TMEM184C: variants seen among roughly 807,000 people sequenced by gnomAD.
TMEM184C encodes the protein transmembrane protein 34.
In TMEM184C, 25 loss-of-function variants were observed where a neutral mutation model predicts 54.5. The observed-to-expected ratio is 0.46, with a 90% CI of 0.33 to 0.64. The LOEUF is 0.64. Among genes scored for constraint, TMEM184C ranks in the 30% least tolerant of loss-of-function variants. TMEM184C has a pLI of 0.02. For missense variants in TMEM184C, 335 were observed against 520.3 expected (o/e 0.64, Z 3.46); for synonymous variants, 148 against 181.5 (o/e 0.82, Z 1.49).
chr4:147,628,562 A>C, intron 5 of TMEM184C, 127 bp downstream of exon 5: 1 of 745,838 alleles, frequency 1.3e-6, no homozygotes, highest in Non-Finnish European at 2.2e-6. Flanking sequence ...GTAAAAAAAA[A>C]CACTGTATAG....
intron 6 of TMEM184C, among the ~76,000 whole-genome samples, chr4:147,630,069 A>G (rs1013603442): frequency 1.1e-4 from 17 of 151,810 alleles, no homozygotes; most frequent in Admixed American, 9.8e-4. Context: ...AAAATATCAA[A>G]TTGGTATTTG....
At chr4:147,622,232 C>A (rs530409655) in intron 1 of TMEM184C, among the ~76,000 whole-genome samples, 1 of 151,976 alleles carries the variant, frequency 6.6e-6, no homozygotes, top group Non-Finnish European at 1.5e-5. Context: ...CATGAGCCAC[C>A]GCGCCTGGCC....
intron 5 of TMEM184C, among the ~76,000 whole-genome samples, chr4:147,628,733 T>C (rs1017383920): frequency 6.6e-5 from 10 of 152,138 alleles, no homozygotes; most frequent in African/African-American, 1.7e-4. Context: ...AGAAACCCTA[T>C]TGCATGAAGT....
At chr4:147,632,602 A>G (rs1732936886) in intron 7 of TMEM184C, 4 of 289,356 alleles carry the variant, frequency 1.4e-5, no homozygotes, top group Admixed American at 9.3e-5. Context: ...TCTTATGTAT[A>G]CAACTATGAA....
Position 147,634,647 on chromosome 4 carries a change from T to G in TMEM184C, c.*213T>G, listed in dbSNP as rs934535802. ...AGACTTAGACTTGATTTCTTAACAT[T>G]AGGGTATCGCATACTCAAATGGTAG... On this transcript the variant is annotated 3_prime_UTR_variant, in exon 10 of 10. Coordinates refer to ENST00000296582, the MANE Select transcript of TMEM184C (RefSeq NM_018241.3). 7.4e-6 allele frequency: 4 copies of G among 542,610 alleles called. No homozygotes were observed. Among genetic ancestry groups the G allele is most frequent in the Non-Finnish European group, 1.3e-5 (4 of 312,110 alleles). The allele number at this position is 542,610 out of a possible 1,614,324, so 33.6% of individuals were successfully genotyped here. A position where few individuals can be genotyped will look rare whatever the true frequency, so the allele number is the denominator to read the frequency against.
In TMEM184C at chr4:147,632,217, G is replaced by A. The variant is rs189492194; in HGVS notation, c.780-686G>A. On this transcript the variant is annotated intron_variant, in intron 7 of 9. Transcript: ENST00000296582. Reference sequence around the variant, plus strand: ...ATTTAGTAAAGAGGTGGGTAATAGGGGTCCTAGAAACAAATACACCAAATT... The same window carrying A: ...ATTTAGTAAAGAGGTGGGTAATAGGAGTCCTAGAAACAAATACACCAAATT... Among the ~76,000 whole-genome samples the A allele has an allele frequency of 9.6e-4, 145 of 150,722 alleles. No individual in the cohort carries two copies. The South Asian group carries it at 0.011, about 11-fold the overall frequency.
chr4:147,634,121 T>A, intron 9 of TMEM184C, 48 bp from the exon 10 acceptor site: 8 of 1,577,486 alleles, frequency 5.1e-6, no homozygotes, highest in Non-Finnish European at 6.9e-6. Context: ...ATGGTAAGTT[T>A]ATAATGGTAA....
At chr4:147,622,030 G>T (rs1732719955) in intron 1 of TMEM184C, among the ~76,000 whole-genome samples, 1 of 149,780 alleles carries the variant, frequency 6.7e-6, no homozygotes, top group African/African-American at 2.5e-5. Flanking sequence ...TGTCACCCAG[G>T]CTGGAGTGCA....
chr4:147,629,157 G>T (rs1486375303), intron 5 of TMEM184C, among the ~76,000 whole-genome samples: 1 of 152,010 alleles, frequency 6.6e-6, no homozygotes, highest in Non-Finnish European at 1.5e-5. Context: ...TACTTGAGGG[G>T]ATCTGGGTCT....
intron 1 of TMEM184C, 133 bp from the exon 2 acceptor site, chr4:147,623,701 C>A: frequency 2.8e-6 from 2 of 707,164 alleles, no homozygotes; most frequent in Non-Finnish European, 4.5e-6. Flanking sequence ...TGGTTTCAAA[C>A]TCCTGGCCTC....
Position 147,633,944 on chromosome 4 carries a change from C to T in TMEM184C, c.1051+8C>T. 2.5e-6 allele frequency: 4 copies of T among 1,604,382 alleles called. No homozygotes were observed. Among genetic ancestry groups the T allele is most frequent in the East Asian group, 4.5e-5 (2 of 44,772 alleles). On this transcript the variant is annotated splice_region_variant and intron_variant, in intron 9 of 9. Coordinates refer to ENST00000296582, the MANE Select transcript of TMEM184C (RefSeq NM_018241.3). ...AACAAGTAAGGCATGTTGGTAAGTA[C>T]CAGCTATTTAATTCAACCAAATAGG...
intron 1 of TMEM184C, among the ~76,000 whole-genome samples, chr4:147,619,351 C>T (rs2126546079): frequency 1.3e-5 from 2 of 152,198 alleles, no homozygotes; most frequent in East Asian, 3.9e-4. Flanking sequence ...GTGCCCACCA[C>T]CACACCCAAC....
At position 147,624,902 on chromosome 4, in the gene TMEM184C, C is replaced by T; in HGVS notation, c.390C>T (p.Thr130=). Residue 130 remains threonine (T), a synonymous_variant, in exon 4 of 10, where the codon ACC becomes ACT. Transcript: ENST00000296582. ...YVIYNFMGFL[T]NYLTNRYPNL... ...TTTACAACTTTATGGGATTCCTTAC[C>T]AATTATCTAACTAACCGGTATCCAA... 6.2e-7 allele frequency: 1 copy of T among 1,613,850 alleles called. No homozygotes were observed. Among genetic ancestry groups the T allele is most frequent in the Non-Finnish European group, 8.5e-7 (1 of 1,179,868 alleles).
chr4:147,632,870 T>C (rs536197423), intron 7 of TMEM184C, 33 bp from the exon 8 acceptor site: 47 of 1,589,066 alleles, frequency 3.0e-5, no homozygotes, highest in Non-Finnish European at 3.8e-5. Flanking sequence ...ATGCTTGATA[T>C]AGATTTGGCG....
chr4:147,623,836 T>G lies in TMEM184C; in HGVS notation c.126T>G (p.Val42=). 1 of 1,613,598 alleles carries G rather than the reference T, an allele frequency of 6.2e-7. No homozygotes were observed. Among genetic ancestry groups the G allele is most frequent in the Non-Finnish European group, 8.5e-7 (1 of 1,179,856 alleles). ...LCVWELQKLE[V]GIHTKAWFIA... Reference sequence around the variant, plus strand: ...AACATGTTATTTTGTTTCTTAAGGTTGGAATACACACCAAGGCTTGGTTTA... The same window carrying G: ...AACATGTTATTTTGTTTCTTAAGGTGGGAATACACACCAAGGCTTGGTTTA... Residue 42 remains valine, a splice_region_variant and synonymous_variant, in exon 2 of 10, where the codon GTT becomes GTG. Coordinates refer to ENST00000296582, the MANE Select transcript of TMEM184C (RefSeq NM_018241.3).
At chr4:147,620,110 T>G (rs1056302799) in intron 1 of TMEM184C, among the ~76,000 whole-genome samples, 1 of 152,246 alleles carries the variant, frequency 6.6e-6, no homozygotes, top group Non-Finnish European at 1.5e-5. Flanking sequence ...GATATTATTC[T>G]CATTCCTTTA....
intron 8 of TMEM184C, 115 bp from the exon 9 acceptor site, chr4:147,633,650 G>GA: frequency 1.1e-6 from 1 of 891,850 alleles, no homozygotes; most frequent in African/African-American, 1.7e-5. Context: ...AATCTGAGAA[G>GA]AAAAAACACA....
intron 4 of TMEM184C, among the ~76,000 whole-genome samples, chr4:147,627,136 T>C (rs764373356): frequency 1.6e-4 from 25 of 152,162 alleles, no homozygotes; most frequent in Non-Finnish European, 3.1e-4. Flanking sequence ...TTAGATTGAC[T>C]GACACAGGAC....
At chr4:147,620,921 T>TGTGA (rs1417581307) in intron 1 of TMEM184C, among the ~76,000 whole-genome samples, 3 of 152,242 alleles carry the variant, frequency 2.0e-5, no homozygotes, top group East Asian at 3.8e-4. Context: ...CAGATACAAA[T>TGTGA]GTGAGAGTTT....
Sources: allele counts gnomAD v4.1 joint callset (sites outside exome capture counted in the v4.1 genomes callset), GRCh38; gene constraint gnomAD v4.1.1; transcripts MANE v1.5; gene names NCBI Gene and HGNC (gene_info 2026-07-23, HGNC 2026-07-21).